The following ZNF180 variants were observed in gnomAD, a reference collection of about 807,000 sequenced individuals.
ZNF180 encodes the protein zinc finger protein 180, also known as zinc finger protein 180 (HHZ168).
Under a neutral mutation model 11.8 loss-of-function variants are expected in ZNF180, and 11 were observed. The observed-to-expected ratio is 0.93, with a 90% CI of 0.59 to 1.55. The LOEUF is 1.55. ZNF180 is among the 40% of genes most tolerant of loss of function. The pLI is 0.00. For synonymous variants in ZNF180, 287 were observed against 257.7 expected (o/e 1.11, Z -1.09); for missense variants, 773 against 781.7 (o/e 0.99, Z 0.13).
At chr19:44,497,030 G>C (rs964121005) in intron 2 of ZNF180, among the ~76,000 whole-genome samples, 6 of 152,148 alleles carry the variant, frequency 3.9e-5, no homozygotes, top group Admixed American at 6.5e-5. Flanking sequence ...TGAATTGCTG[G>C]CCAAAAGGGA....
At chr19:44,492,006 CTG>C (rs1433678135) in intron 2 of ZNF180, among the ~76,000 whole-genome samples, 7 of 152,226 alleles carry the variant, frequency 4.6e-5, no homozygotes, top group Non-Finnish European at 1.0e-4. Flanking sequence ...CTGCTTCCCA[CTG>C]TCTTACCAAA....
Position 44,474,573 on chromosome 19 carries a change from A to G in ZNF180, c.*1829T>C, listed in dbSNP as rs1328837338. 3 of 152,304 alleles carry G rather than the reference A, an allele frequency of 2.0e-5. No individual in the cohort carries two copies. In the East Asian group the frequency reaches 5.8e-4, roughly 29 times the overall value. 9.4% of individuals were successfully genotyped at this position (152,304 alleles called of 1,614,324 possible). A position where few individuals can be genotyped will look rare whatever the true frequency, so the allele number is the denominator to read the frequency against. On this transcript the variant is annotated 3_prime_UTR_variant, in exon 5 of 5. Transcript: ENST00000592529. ...TTACACGACTTGTGAGATAAGTAAGATATCAGTTAAAATTTTCATTTCAGC... is the reference window on the plus strand; with the variant it reads ...TTACACGACTTGTGAGATAAGTAAGGTATCAGTTAAAATTTTCATTTCAGC...
At chr19:44,487,297 T>C (rs959971640) in intron 2 of ZNF180, among the ~76,000 whole-genome samples, 1 of 152,190 alleles carries the variant, frequency 6.6e-6, no homozygotes, top group Non-Finnish European at 1.5e-5. Context: ...CCACTGTATA[T>C]TTACTGGGTA....
chr19:44,478,731 C>T (rs972634015), intron 4 of ZNF180, among the ~76,000 whole-genome samples: 2 of 152,126 alleles, frequency 1.3e-5, no homozygotes, highest in Non-Finnish European at 2.9e-5. Context: ...GAAGTTTGCT[C>T]CTAGTAGCCT....
In ZNF180 at chr19:44,477,792, T is replaced by A; in HGVS notation, c.608A>T (p.Asn203Ile). 2.5e-6 allele frequency: 4 copies of A among 1,614,022 alleles called. No homozygotes were observed. Among genetic ancestry groups the A allele is most frequent in the Non-Finnish European group, 3.4e-6 (4 of 1,179,974 alleles). The change falls in exon 5 of 5, where the codon AAT becomes ATT. Residue 203 changes from asparagine to isoleucine, a missense_variant. Physicochemically the swap from Asn to Ile is moderately radical, Grantham distance 149. Transcript: ENST00000592529. ...HVSHAKKWHL[N>I]AAVNSHQKIN... ...CTTCTGATGACTGTTTACAGCAGCA[T>A]TAAGATGCCATTTTTTAGCATGTGA... is the stretch of plus-strand genomic sequence containing the variant.
Position 44,476,745 on chromosome 19 carries a change from C to A in ZNF180, c.1655G>T (p.Cys552Phe). The A allele has an allele frequency of 1.9e-6, 3 of 1,614,164 alleles. No individual in the cohort carries two copies. The highest frequency in any genetic ancestry group is 2.5e-6 in the Non-Finnish European group (3 of 1,180,004). ...GCTGAAGGATTTCCCACACTGATTA[C>A]ATTCATACGGTTTTTCCCCAGTGTG... is the stretch of plus-strand genomic sequence containing the variant. ...RIHTGEKPYE[C>F]NQCGKSFSQS... The change falls in exon 5 of 5, where the codon TGT (cysteine) becomes TTT (phenylalanine). Residue 552 changes from cysteine (C) to phenylalanine (F), a missense_variant. By Grantham distance (205) the Cys-to-Phe change is radical (BLOSUM62 -2). Transcript: ENST00000592529.
At position 44,477,508 on chromosome 19, in the gene ZNF180, C is replaced by T. The variant is rs188959141; in HGVS notation, c.892G>A (p.Glu298Lys). The T allele has an allele frequency of 5.0e-6, 8 of 1,614,098 alleles. No homozygotes were observed. In the East Asian group the frequency reaches 1.3e-4, roughly 27 times the overall value. ...SHNEQQRIPF[E>K]ESQYKCSETS... ...TCACTACATTTATATTGACTCTCTT[C>T]AAAAGGAATTCTCTGTTGTTCATTA... The change falls in exon 5 of 5, where the codon GAA (glutamate) becomes AAA (lysine). Residue 298 changes from glutamate (E) to lysine (K), a missense_variant. Glu to Lys is a moderately conservative substitution (Grantham distance 56). Transcript: ENST00000592529.
intron 2 of ZNF180, among the ~76,000 whole-genome samples, chr19:44,496,088 A>G (rs1213366911): frequency 6.6e-6 from 1 of 152,102 alleles, no homozygotes; most frequent in Non-Finnish European, 1.5e-5. Context: ...ACACAATCAT[A>G]GCTTACTACA....
In ZNF180 at chr19:44,477,711, C is replaced by A. The variant is rs774013822; in HGVS notation, c.689G>T (p.Ser230Ile). The change falls in exon 5 of 5, where the codon AGC becomes ATC. Residue 230 changes from serine (S) to isoleucine (I), a missense_variant. Transcript: ENST00000592529. The part of the protein sequence containing the change: ...ENNECGKPPQ[S>I]IHLIQFTRTQ... ...TCTTGTAAACTGAATAAGGTGAATG[C>A]TCTGAGGGGGTTTTCCACATTCATT... The A allele has an allele frequency of 1.2e-6, 2 of 1,614,046 alleles. No individual in the cohort carries two copies. The highest frequency in any genetic ancestry group is 1.7e-6 in the Non-Finnish European group (2 of 1,179,972).
intron 3 of ZNF180, among the ~76,000 whole-genome samples, chr19:44,482,059 A>C (rs906513077): frequency 6.6e-6 from 1 of 152,226 alleles, no homozygotes; most frequent in African/African-American, 2.4e-5. Flanking sequence ...TAATCCCAGC[A>C]CTTTGGGAGA....
chr19:44,479,309 T>C lies in ZNF180; in HGVS notation c.227A>G (p.Glu76Gly), dbSNP rs1381448130. The change falls in exon 4 of 5, where the codon GAG becomes GGG. Residue 76 changes from glutamate to glycine, a missense_variant. By Grantham distance (98) the Glu-to-Gly change is moderately conservative. Transcript: ENST00000592529. ...QRTLDRDVIL[E>G]NHRDLVSWDL... ...CCAAGAGACTAGGTCCCTGTGGTTC[T>C]CCAGGATCACATCTCTGTCCAGGGT... The C allele has an allele frequency of 1.2e-6, 2 of 1,614,004 alleles. No individual in the cohort carries two copies. The highest frequency in any genetic ancestry group is 3.3e-5 in the Admixed American group (2 of 60,018).
Position 44,475,365 on chromosome 19 carries a change from A to G in ZNF180, c.*1037T>C, listed in dbSNP as rs1969836154. On this transcript the variant is annotated 3_prime_UTR_variant, in exon 5 of 5. Transcript: ENST00000592529. ...AAACATGAAAATAGAGTTCCTTAATATTGCTTTGCATATATGAAAATAAGC... is the reference window on the plus strand; with the variant it reads ...AAACATGAAAATAGAGTTCCTTAATGTTGCTTTGCATATATGAAAATAAGC... 6.6e-6 allele frequency: 1 copy of G among 152,166 alleles called. No homozygotes were observed. The highest frequency in any genetic ancestry group is 6.5e-5 in the Admixed American group (1 of 15,280). The allele number at this position is 152,166 out of a possible 1,614,324, so 9.4% of individuals were successfully genotyped here.
Position 44,480,956 on chromosome 19 carries a change from C to T in ZNF180, c.127-1547G>A, listed in dbSNP as rs183595640. On this transcript the variant is annotated intron_variant, in intron 3 of 4. Transcript: ENST00000592529. ...GAGCCAAAGTGACCTTTATTCTGAA[C>T]TCTCAGTCTTCAAATAACAGTTCTG... Among the ~76,000 whole-genome samples, 37 of 152,280 alleles carry T rather than the reference C, an allele frequency of 2.4e-4. No individual in the cohort carries two copies. In the South Asian group the frequency reaches 5.2e-3, roughly 21 times the overall value.
In ZNF180 at chr19:44,484,441, A is replaced by T. The variant is rs1194519654; in HGVS notation, c.52-6T>A. ...TCTTGAGGAAGGAAAGAATCCTGAA[A>T]AGGCAAAACAGATGAGAAAAAGGAA... is the stretch of plus-strand genomic sequence containing the variant. On this transcript the variant is annotated splice_polypyrimidine_tract_variant and splice_region_variant and intron_variant, in intron 2 of 4. Coordinates refer to ENST00000592529, the MANE Select transcript of ZNF180 (RefSeq NM_001278509.3). The T allele has an allele frequency of 4.3e-6, 7 of 1,610,450 alleles. No individual in the cohort carries two copies. Among genetic ancestry groups the T allele is most frequent in the Non-Finnish European group, 5.9e-6 (7 of 1,176,756 alleles).
intron 2 of ZNF180, among the ~76,000 whole-genome samples, chr19:44,490,001 G>GAAAGAAAAGAAAAGAAAAGA (rs1345288539): frequency 3.2e-4 from 34 of 105,800 alleles, no homozygotes; most frequent in African/African-American, 1.2e-3. Context: ...AAGCAAGAAA[G>GAAAGAAAAGAAAAGAAAAGA]AAAGAAAAGA....
chr19:44,487,182 TTATC>T (rs1189330645), intron 2 of ZNF180, among the ~76,000 whole-genome samples: 1 of 152,228 alleles, frequency 6.6e-6, no homozygotes, highest in African/African-American at 2.4e-5. Flanking sequence ...TTTTTTCTCC[TTATC>T]TATCTAGAAA....
chr19:44,479,990 C>T (rs1479408882), intron 3 of ZNF180, among the ~76,000 whole-genome samples: 2 of 152,114 alleles, frequency 1.3e-5, no homozygotes, highest in African/African-American at 2.4e-5. Flanking sequence ...ATGTGGACCT[C>T]GATGAAAAGC....
intron 2 of ZNF180, among the ~76,000 whole-genome samples, chr19:44,491,366 G>A (rs574417411): frequency 2.0e-5 from 3 of 152,198 alleles, no homozygotes; most frequent in Admixed American, 1.3e-4. Flanking sequence ...ATGTGAGCCC[G>A]TGCATGCATG....
chr19:44,476,767 T>G lies in ZNF180; in HGVS notation c.1633A>C (p.Thr545Pro). Reference protein sequence around the residue: ...SHLVMHQRIHTGEKPYECNQC... With the variant: ...SHLVMHQRIHPGEKPYECNQC... The stretch of plus-strand genomic sequence containing the variant: ...TTACATTCATACGGTTTTTCCCCAG[T>G]GTGAATTCTCTGATGCATAACAAGG... The change falls in exon 5 of 5, where the codon ACT (threonine) becomes CCT (proline). Residue 545 changes from threonine to proline, a missense_variant. Coordinates refer to ENST00000592529, the MANE Select transcript of ZNF180 (RefSeq NM_001278509.3). 1.9e-6 allele frequency: 3 copies of G among 1,614,124 alleles called. No individual in the cohort carries two copies. The South Asian group carries it at 3.3e-5, about 18-fold the overall frequency.
Sources: allele counts gnomAD v4.1 joint callset (sites outside exome capture counted in the v4.1 genomes callset), GRCh38; gene constraint gnomAD v4.1.1; transcripts MANE v1.5; gene names NCBI Gene and HGNC (gene_info 2026-07-23, HGNC 2026-07-21).